The following TSNARE1 variants were observed in gnomAD, a reference collection of about 807,000 sequenced individuals.
TSNARE1 encodes the protein t-SNARE domain containing 1.
TSNARE1 carries 49 observed loss-of-function variants against 62.0 expected under a neutral mutation model. The observed-to-expected ratio is 0.79, with a 90% CI of 0.63 to 1.00. The LOEUF (loss-of-function observed/expected upper bound fraction) is 1.00. TSNARE1 is among the 50% of genes least tolerant of loss of function. The probability of loss-of-function intolerance (pLI) is 0.00; values close to 1 mark genes in which losing one functional copy is unlikely to be tolerated. For missense variants in TSNARE1, 755 were observed against 700.1 expected, an observed-to-expected ratio of 1.08 and a Z score of -0.88; for synonymous variants, 328 against 294.4, an observed-to-expected ratio of 1.11 and a Z score of -1.17.
intron 1 of TSNARE1, among the ~76,000 whole-genome samples, chr8:142,402,575 G>A (rs1265122914): frequency 6.6e-6 from 1 of 152,230 alleles, no homozygotes; most frequent in Admixed American, 6.5e-5. Flanking sequence ...CCAGTACCCA[G>A]GAAGCACCTT....
At chr8:142,302,595 TCAA>T (rs1325626045) in intron 9 of TSNARE1, among the ~76,000 whole-genome samples, 1 of 151,914 alleles carries the variant, frequency 6.6e-6, no homozygotes, top group Non-Finnish European at 1.5e-5. Context: ...GGGAACATAA[TCAA>T]CGTCCTCTCC....
chr8:142,217,186 G>A (rs1361454794), intron 13 of TSNARE1, among the ~76,000 whole-genome samples: 2 of 151,888 alleles, frequency 1.3e-5, no homozygotes, highest in Non-Finnish European at 2.9e-5. Flanking sequence ...GGAGGTTGCA[G>A]TGAGCCGAGA....
chr8:142,231,544 C>T (rs531892581), intron 12 of TSNARE1, among the ~76,000 whole-genome samples: 10 of 152,274 alleles, frequency 6.6e-5, no homozygotes, highest in South Asian at 2.1e-4. Flanking sequence ...CAGGACAAGG[C>T]GCACTGAATT....
chr8:142,276,304 G>T, intron 11 of TSNARE1: 1 of 985,442 alleles, frequency 1.0e-6, no homozygotes, highest in Non-Finnish European at 1.2e-6. Context: ...CCACATTAGG[G>T]TCACGACCCT....
chr8:142,330,440 G>A (rs10435692), intron 6 of TSNARE1, among the ~76,000 whole-genome samples: 3 of 152,342 alleles, frequency 2.0e-5, no homozygotes, highest in East Asian at 3.9e-4. Flanking sequence ...CCCCGAAAGG[G>A]CAGAAGCAAG....
chr8:142,237,658 C>T lies in TSNARE1; in HGVS notation c.1447-8079G>A, dbSNP rs78042437. Among the ~76,000 whole-genome samples the T allele has an allele frequency of 1.1e-4, 17 of 152,352 alleles. No homozygotes were observed. In the East Asian group the frequency reaches 3.3e-3, roughly 29 times the overall value. On this transcript the variant is annotated intron_variant, in intron 12 of 13. Transcript: ENST00000524325. Reference sequence around the variant, plus strand: ...GCTGTGAGTGCACAGGCATACTCTCCTTCCTGCAGACAGCCCCTTCCCAGA... The same window carrying T: ...GCTGTGAGTGCACAGGCATACTCTCTTTCCTGCAGACAGCCCCTTCCCAGA...
intron 13 of TSNARE1, among the ~76,000 whole-genome samples, chr8:142,216,698 C>T (rs541843312): frequency 6.6e-6 from 1 of 152,328 alleles, no homozygotes; most frequent in East Asian, 1.9e-4. Flanking sequence ...AGCAGAGGCA[C>T]AGACTCAGGC....
chr8:142,368,636 A>G lies in TSNARE1; in HGVS notation c.-39-13873T>C, dbSNP rs1022824182. ...AGAATGAAGCCACCTGGGCGGCCAC[A>G]TCCACTCACAAGCTCTTCTCCATGG... On this transcript the variant is annotated intron_variant, in intron 1 of 13. Coordinates refer to ENST00000524325, the MANE Select transcript of TSNARE1 (RefSeq NM_145003.5). Among the ~76,000 whole-genome samples, 13 of 152,200 alleles carry G rather than the reference A, an allele frequency of 8.5e-5. 1 individual carries two copies. Among genetic ancestry groups the G allele is most frequent in the Non-Finnish European group, 1.8e-4 (12 of 68,032 alleles).
At chr8:142,251,209 A>T (rs1818145079) in intron 12 of TSNARE1, among the ~76,000 whole-genome samples, 1 of 151,560 alleles carries the variant, frequency 6.6e-6, no homozygotes, top group Non-Finnish European at 1.5e-5. Context: ...CTTCCACCAG[A>T]TTCCCAGTCT....
intron 6 of TSNARE1, among the ~76,000 whole-genome samples, chr8:142,329,733 G>A (rs560068302): frequency 9.2e-5 from 14 of 152,276 alleles, no homozygotes; most frequent in African/African-American, 2.4e-4. Context: ...AGGGAACACC[G>A]ACATGCTAAC....
In TSNARE1 at chr8:142,319,949, G is replaced by A. The variant is rs1829228544; in HGVS notation, c.894-1315C>T. ...CCTCCTCCTGCAGCTGGCGTCTGAG[G>A]CTTTGGAGAGCCTCCAGTGCCTCCA... On this transcript the variant is annotated intron_variant, in intron 6 of 13. Transcript: ENST00000524325. The surrounding 1 kb of genome is among the most constrained non-coding windows in gnomAD (Gnocchi z 4.9). Among the ~76,000 whole-genome samples, 1 of 152,112 alleles carries A rather than the reference G, an allele frequency of 6.6e-6. No individual in the cohort carries two copies. The highest frequency in any genetic ancestry group is 2.1e-4 in the South Asian group (1 of 4,828).
Position 142,319,482 on chromosome 8 carries a change from C to A in TSNARE1, c.894-848G>T, listed in dbSNP as rs958681922. Among the ~76,000 whole-genome samples the A allele has an allele frequency of 2.0e-5, 3 of 152,120 alleles. No homozygotes were observed. The highest frequency in any genetic ancestry group is 4.4e-5 in the Non-Finnish European group (3 of 68,016). ...CGTCTCCCGCTTGGGGTTCGCCACC[C>A]CCATCCCTGGAGAGAGGAGCACCAG... is the stretch of plus-strand genomic sequence containing the variant. On this transcript the variant is annotated intron_variant, in intron 6 of 13. Coordinates refer to ENST00000524325, the MANE Select transcript of TSNARE1 (RefSeq NM_145003.5). The surrounding 1 kb of genome is among the most constrained non-coding windows in gnomAD (Gnocchi z 4.9).
chr8:142,388,103 T>C (rs1425451570), intron 1 of TSNARE1, among the ~76,000 whole-genome samples: 1 of 152,150 alleles, frequency 6.6e-6, no homozygotes, highest in East Asian at 1.9e-4. Flanking sequence ...CTTTCATTAT[T>C]AGCAACTTCG....
intron 1 of TSNARE1, among the ~76,000 whole-genome samples, chr8:142,380,928 C>A (rs1836695677): frequency 6.6e-6 from 1 of 152,144 alleles, no homozygotes; most frequent in South Asian, 2.1e-4. Context: ...TTGCCCTTCT[C>A]TCCTCGCCCT....
intron 12 of TSNARE1, chr8:142,269,456 A>G (rs1206111217): frequency 1.0e-6 from 1 of 985,320 alleles, no homozygotes; most frequent in Non-Finnish European, 1.2e-6. Context: ...ACACAGCCAT[A>G]CGAGGCCACT....
At chr8:142,391,607 G>C (rs1020027746) in intron 1 of TSNARE1, among the ~76,000 whole-genome samples, 14 of 152,206 alleles carry the variant, frequency 9.2e-5, no homozygotes, top group African/African-American at 3.4e-4. Flanking sequence ...CAAGCTTCTA[G>C]CGCCACCACG....
chr8:142,320,849 T>C (rs1452253115), intron 6 of TSNARE1, among the ~76,000 whole-genome samples: 4 of 152,198 alleles, frequency 2.6e-5, no homozygotes, highest in Admixed American at 2.0e-4. Flanking sequence ...TAGACTCCCA[T>C]GTGGCAGGGG....
intron 1 of TSNARE1, among the ~76,000 whole-genome samples, chr8:142,400,949 T>TAG (rs1032739068): frequency 2.6e-5 from 4 of 152,222 alleles, no homozygotes; most frequent in African/African-American, 9.6e-5. Context: ...CAGGAGGTGC[T>TAG]GTGACCAGTA....
At chr8:142,267,354 C>A (rs1044330495) in intron 12 of TSNARE1, among the ~76,000 whole-genome samples, 12 of 152,232 alleles carry the variant, frequency 7.9e-5, no homozygotes, top group Admixed American at 3.9e-4. Context: ...AGGGCAAGAA[C>A]CTTCCTCATT....
Sources: gnomAD v4.1 joint callset for allele counts (sites outside exome capture counted in the v4.1 genomes callset) on GRCh38, gnomAD v4.1.1 for gene constraint, Gnocchi (gnomAD v3.1) non-coding constraint, MANE v1.5 for transcripts, NCBI Gene and HGNC (gene_info 2026-07-23, HGNC 2026-07-21) for gene names.